Variants in SEPTIN6 observed in about 807,000 individuals in gnomAD.
SEPTIN6 encodes the protein septin 6, also known as septin-6.
In SEPTIN6, 8 loss-of-function variants were observed where a neutral mutation model predicts 33.6. The ratio of observed to expected loss-of-function variants is 0.24; its 90% CI spans 0.14 to 0.43. The LOEUF (loss-of-function observed/expected upper bound fraction) is 0.43. SEPTIN6 is among the 20% of genes least tolerant of loss of function. The pLI is 1.00. For synonymous variants in SEPTIN6, 131 were observed against 140.0 expected (o/e 0.94, Z 0.45); for missense variants, 250 against 340.8 (o/e 0.73, Z 2.10).
intron 1 of SEPTIN6, among the ~76,000 whole-genome samples, chrX:119,680,108 T>C (rs945294760): frequency 9.0e-6 from 1 of 111,585 alleles, no homozygotes; most frequent in African/African-American, 3.3e-5. Context: ...CAATGTTCAC[T>C]GTAGAAATTT....
chrX:119,675,088 A>C (rs1458031554), intron 2 of SEPTIN6, among the ~76,000 whole-genome samples: 2 of 111,095 alleles, frequency 1.8e-5, no homozygotes, highest in African/African-American at 6.6e-5. Flanking sequence ...GGAATAAAAG[A>C]ATGTTGCATA....
chrX:119,675,494 G>A (rs1488027159), intron 2 of SEPTIN6, 60 bp downstream of exon 2: 11 of 670,799 alleles, frequency 1.6e-5, no homozygotes, highest in East Asian at 3.9e-5. Context: ...CTGCAAAGCC[G>A]TATCCAGCCA....
At chrX:119,677,160 G>A (rs1013441902) in intron 1 of SEPTIN6, among the ~76,000 whole-genome samples, 1 of 111,885 alleles carries the variant, frequency 8.9e-6, no homozygotes, top group African/African-American at 3.2e-5. Flanking sequence ...AGCTGCCTCC[G>A]TGCTTCCTCT....
intron 3 of SEPTIN6, among the ~76,000 whole-genome samples, chrX:119,654,700 C>CT (rs111298829): frequency 2.7e-5 from 3 of 110,420 alleles, no homozygotes; most frequent in South Asian, 3.8e-4. Flanking sequence ...AGAGAAAAAT[C>CT]TTTTTTTTTA....
chrX:119,676,946 T>TC (rs2054852465), intron 1 of SEPTIN6, among the ~76,000 whole-genome samples: 1 of 111,827 alleles, frequency 8.9e-6, no homozygotes, highest in Non-Finnish European at 1.9e-5. Flanking sequence ...TCTTAAGTTT[T>TC]CCCCATCCAT....
intron 5 of SEPTIN6, among the ~76,000 whole-genome samples, chrX:119,647,478 T>C (rs2054280642): frequency 1.3e-5 from 1 of 74,270 alleles, no homozygotes; most frequent in African/African-American, 6.9e-5. Context: ...TTCCTTTCTC[T>C]CTCTCTTTTT....
rs746113373 is a variant in SEPTIN6 at position 119,670,928 on chromosome X, A to C, written c.145+4626T>G. On this transcript the variant is annotated intron_variant, in intron 2 of 10. Transcript: ENST00000394610. ...ACTCCAGCCTGGGTGACAAGAGCGA[A>C]ACTCCATCTCAAAAAAAAAAAAAAA... Among the ~76,000 whole-genome samples, 16 of 98,188 alleles carry C rather than the reference A, an allele frequency of 1.6e-4. No individual in the cohort carries two copies. The East Asian group carries it at 5.3e-3, about 33-fold the overall frequency. The allele number at this position is 98,188 out of a possible 115,157, so 85.3% of individuals were successfully genotyped here.
rs1438065034 is a variant in SEPTIN6, at chrX:119,618,017, G to T, written c.*2076C>A. On this transcript the variant is annotated 3_prime_UTR_variant, in exon 11 of 11. Transcript: ENST00000394610. Reference sequence around the variant, plus strand: ...GCGGTGTGGGGAAGTGGTGGTTACCGGTTGGTTGTTTAAGCGTGAATTTCT... The same window carrying T: ...GCGGTGTGGGGAAGTGGTGGTTACCTGTTGGTTGTTTAAGCGTGAATTTCT... 2 of 805,838 alleles carry T rather than the reference G, an allele frequency of 2.5e-6. No individual in the cohort carries two copies. The highest frequency in any genetic ancestry group is 3.0e-6 in the Non-Finnish European group (2 of 671,023). 66.4% of individuals were successfully genotyped at this position (805,838 alleles called of 1,213,427 possible). A position where few individuals can be genotyped will look rare whatever the true frequency, so the allele number is the denominator to read the frequency against.
rs373094360 is a variant in SEPTIN6 at position 119,667,538 on chromosome X, C to T, written c.146-3861G>A. The stretch of plus-strand genomic sequence containing the variant: ...TAGAGAGGGCAGAAAATCAAGCGAG[C>T]TCATCCTATGGCTATCGAGAGCTCC... On this transcript the variant is annotated intron_variant, in intron 2 of 10. Transcript: ENST00000394610. Among the ~76,000 whole-genome samples the T allele has an allele frequency of 2.7e-4, 30 of 111,614 alleles. 1 individual carries two copies. Among genetic ancestry groups the T allele is most frequent in the African/African-American group, 9.4e-4 (29 of 30,787 alleles).
intron 9 of SEPTIN6, among the ~76,000 whole-genome samples, chrX:119,628,281 ATTT>A (rs35908035): frequency 3.9e-5 from 3 of 77,832 alleles, no homozygotes; most frequent in South Asian, 6.1e-4. Context: ...TAATTTCTGT[ATTT>A]TTTTTTTTTT....
At chrX:119,667,314 T>C (rs573047913) in intron 2 of SEPTIN6, among the ~76,000 whole-genome samples, 3 of 106,736 alleles carry the variant, frequency 2.8e-5, no homozygotes, top group South Asian at 4.1e-4. Context: ...CACCGCAGCG[T>C]TGAGGGACCC....
intron 9 of SEPTIN6, among the ~76,000 whole-genome samples, chrX:119,627,266 G>A (rs1057424008): frequency 9.9e-5 from 11 of 110,777 alleles, no homozygotes; most frequent in African/African-American, 3.6e-4. Flanking sequence ...AACTCCTCAA[G>A]CCACACTGCA....
chrX:119,643,436 T>C (rs1252039033), intron 5 of SEPTIN6, among the ~76,000 whole-genome samples: 1 of 109,465 alleles, frequency 9.1e-6, no homozygotes, highest in Non-Finnish European at 1.9e-5. Context: ...CATACAAAAA[T>C]GTCAGTATTC....
intron 7 of SEPTIN6, among the ~76,000 whole-genome samples, chrX:119,633,928 T>C (rs2147477257): frequency 8.9e-6 from 1 of 112,101 alleles, no homozygotes; most frequent in Admixed American, 9.5e-5. Flanking sequence ...CAACAAATGC[T>C]TGAGGAGACT....
rs764611916 is a variant in SEPTIN6, at chrX:119,621,638, C to A, written c.*42-1587G>T. On this transcript the variant is annotated intron_variant, in intron 10 of 10. Transcript: ENST00000394610. The stretch of plus-strand genomic sequence containing the variant: ...TCCCAAGTAGCTGGGATTATAGGCA[C>A]CCGCCACCATGCCCAGCTAATTTTT... Among the ~76,000 whole-genome samples the A allele has an allele frequency of 2.8e-5, 3 of 108,635 alleles. No individual in the cohort carries two copies. In the South Asian group the frequency reaches 1.2e-3, roughly 44 times the overall value. The allele number at this position is 108,635 out of a possible 115,157, so 94.3% of individuals were successfully genotyped here. A position where few individuals can be genotyped will look rare whatever the true frequency, so the allele number is the denominator to read the frequency against.
chrX:119,673,841 C>CA (rs774954935), intron 2 of SEPTIN6, among the ~76,000 whole-genome samples: 8,062 of 37,885 alleles, frequency 0.21, 656 homozygotes, highest in South Asian at 0.36. Flanking sequence ...GACTCTGTCT[C>CA]AAAAAAAAAA....
At chrX:119,647,073 T>C (rs894113066) in intron 5 of SEPTIN6, among the ~76,000 whole-genome samples, 2 of 110,229 alleles carry the variant, frequency 1.8e-5, no homozygotes, top group African/African-American at 3.3e-5. Flanking sequence ...AAAAAACCCA[T>C]AGTGGATTAG....
At chrX:119,690,093 T>C (rs1036514613) in intron 1 of SEPTIN6, among the ~76,000 whole-genome samples, 2 of 111,312 alleles carry the variant, frequency 1.8e-5, no homozygotes, top group African/African-American at 3.3e-5. Context: ...CTAACCATAG[T>C]GCTGGCCACA....
At chrX:119,642,107 A>T (rs2054166654) in intron 5 of SEPTIN6, among the ~76,000 whole-genome samples, 1 of 104,835 alleles carries the variant, frequency 9.5e-6, no homozygotes, top group East Asian at 3.0e-4. Context: ...TTGTACCAGA[A>T]GTGGAGGTTG....
Sources: gnomAD v4.1 joint callset for allele counts (sites outside exome capture counted in the v4.1 genomes callset) on GRCh38, gnomAD v4.1.1 for gene constraint, MANE v1.5 for transcripts, NCBI Gene and HGNC (gene_info 2026-07-23, HGNC 2026-07-21) for gene names.